The following ZFR variants were observed in gnomAD, a reference collection of about 807,000 sequenced individuals.
ZFR encodes zinc finger RNA-binding protein.
A neutral mutation model predicts 130.7 loss-of-function variants in ZFR; 19 were observed. The ratio of observed to expected loss-of-function variants is 0.15; its 90% confidence interval spans 0.10 to 0.21. The LOEUF (loss-of-function observed/expected upper bound fraction) is 0.21, where lower values mean the gene tolerates loss of function less well. ZFR is among the 10% of genes least tolerant of loss of function. ZFR has a pLI of 1.00. For missense variants in ZFR, 872 were observed against 1,321.5 expected (o/e 0.66, Z 5.27); for synonymous variants, 466 against 456.9 (o/e 1.02, Z -0.25).
intron 2 of ZFR, among the ~76,000 whole-genome samples, chr5:32,431,122 T>C (rs1484441441): frequency 1.3e-5 from 2 of 152,168 alleles, no homozygotes; most frequent in Non-Finnish European, 2.9e-5. Context: ...CCCACGCTAA[T>C]GGAAATTCTC....
At chr5:32,388,351 A>G in intron 13 of ZFR, 118 bp downstream of exon 13, 1 of 946,158 alleles carries the variant, frequency 1.1e-6, no homozygotes, top group Admixed American at 2.8e-5. Context: ...GAACACAGGC[A>G]TGGTTAAAAC....
Position 32,366,937 on chromosome 5 carries a change from GT to G in ZFR, c.2836-2663del, listed in dbSNP as rs1253397615. On this transcript the variant is annotated intron_variant, in intron 17 of 19. Transcript: ENST00000265069. ...CGCTATGTTGCCAGGATGGAGTGCAGTAGTTATTCGCAGGCACGATCATAGC... is the reference window on the plus strand; with the variant it reads ...CGCTATGTTGCCAGGATGGAGTGCAGAGTTATTCGCAGGCACGATCATAGC... Among the ~76,000 whole-genome samples, 4 of 149,922 alleles carry G rather than the reference GT, an allele frequency of 2.7e-5. No homozygotes were observed. The Admixed American group carries it at 2.7e-4, about 10-fold the overall frequency.
intron 16 of ZFR, chr5:32,379,588 T>G (rs1752893659): frequency 4.1e-6 from 1 of 246,348 alleles, no homozygotes; most frequent in African/African-American, 2.3e-5. Flanking sequence ...CTGTTTGGTT[T>G]CCCTTCTGTG....
At chr5:32,386,792 T>A (rs932880069) in intron 14 of ZFR, among the ~76,000 whole-genome samples, 1 of 152,176 alleles carries the variant, frequency 6.6e-6, no homozygotes, top group Non-Finnish European at 1.5e-5. Flanking sequence ...TACAGTAAGG[T>A]ACTGTTCTAA....
intron 19 of ZFR, among the ~76,000 whole-genome samples, chr5:32,359,630 G>T (rs917155090): frequency 6.6e-6 from 1 of 152,160 alleles, no homozygotes; most frequent in African/African-American, 2.4e-5. Context: ...GAAACATTGT[G>T]TATGACTGAA....
intron 2 of ZFR, among the ~76,000 whole-genome samples, chr5:32,443,948 TA>T (rs1754532419): frequency 6.6e-6 from 1 of 151,800 alleles, no homozygotes; most frequent in Non-Finnish European, 1.5e-5. Context: ...CCATTTTAGT[TA>T]AGGGGCCGCT....
chr5:32,358,318 T>C (rs772182082), intron 19 of ZFR, among the ~76,000 whole-genome samples: 21 of 152,226 alleles, frequency 1.4e-4, no homozygotes, highest in Admixed American at 7.8e-4. Context: ...AATTGTGCCA[T>C]TGCAATCCAG....
Position 32,415,523 on chromosome 5 carries a change from C to CGCACGT in ZFR, c.566-337_566-336insACGTGC, listed in dbSNP as rs1554073624. On this transcript the variant is annotated intron_variant, in intron 4 of 19. Transcript: ENST00000265069. ...GTGTGTGTGTGTGTGTGTGCGCGCG[C>CGCACGT]GCGCGCGCGCACTAGTCAGTCTACT... Among the ~76,000 whole-genome samples, 19 of 132,106 alleles carry CGCACGT rather than the reference C, an allele frequency of 1.4e-4. No individual in the cohort carries two copies. The South Asian group carries it at 3.0e-3, about 21-fold the overall frequency. The allele number at this position is 132,106 out of a possible 152,430, so 86.7% of individuals were successfully genotyped here. A position where few individuals can be genotyped will look rare whatever the true frequency, so the allele number is the denominator to read the frequency against.
At chr5:32,424,684 G>A (rs956205995) in intron 2 of ZFR, among the ~76,000 whole-genome samples, 3 of 152,114 alleles carry the variant, frequency 2.0e-5, no homozygotes, top group Non-Finnish European at 2.9e-5. Flanking sequence ...CTTGAGCCTA[G>A]GAAGATTTTC....
chr5:32,408,283 A>G (rs1753620573), intron 5 of ZFR, among the ~76,000 whole-genome samples: 1 of 150,246 alleles, frequency 6.7e-6, no homozygotes, highest in Non-Finnish European at 1.5e-5. Flanking sequence ...TGTGTCTGGC[A>G]TACTGCTTCC....
chr5:32,369,897 C>T (rs759769153), intron 17 of ZFR, among the ~76,000 whole-genome samples: 6 of 152,106 alleles, frequency 3.9e-5, no homozygotes, highest in Non-Finnish European at 7.3e-5. Flanking sequence ...CAAAACATCT[C>T]CATTACCGCA....
intron 5 of ZFR, among the ~76,000 whole-genome samples, chr5:32,409,708 G>A (rs901182715): frequency 2.0e-5 from 3 of 152,140 alleles, no homozygotes; most frequent in Admixed American, 6.5e-5. Flanking sequence ...ACCTGCATCC[G>A]AATATTTTCA....
chr5:32,404,976 G>A (rs767044318), intron 6 of ZFR, among the ~76,000 whole-genome samples: 4 of 152,070 alleles, frequency 2.6e-5, no homozygotes, highest in Non-Finnish European at 5.9e-5. Flanking sequence ...GCCACCATGC[G>A]TAGCTCATTT....
chr5:32,361,313 A>G (rs1241453473), intron 19 of ZFR, among the ~76,000 whole-genome samples: 1 of 152,246 alleles, frequency 6.6e-6, no homozygotes, highest in Non-Finnish European at 1.5e-5. Flanking sequence ...TCTCAAAGTC[A>G]TCTGTAGTCA....
rs748719610 is a variant in ZFR, at chr5:32,403,420, T to C, written c.1225-23A>G. 16 of 1,596,122 alleles carry C rather than the reference T, an allele frequency of 1.0e-5. No homozygotes were observed. In the South Asian group the frequency reaches 1.3e-4, roughly 13 times the overall value. ...CACCTATAAAACAAAAGCACACTTA[T>C]TTGTCAGGAAACTCAAATAGATTTT... On this transcript the variant is annotated intron_variant, in intron 7 of 19. Coordinates refer to ENST00000265069, the MANE Select transcript of ZFR (RefSeq NM_016107.5).
chr5:32,436,418 T>C (rs533991339), intron 2 of ZFR, among the ~76,000 whole-genome samples: 98 of 152,220 alleles, frequency 6.4e-4, no homozygotes, highest in African/African-American at 2.3e-3. Flanking sequence ...CCCAAAGTGC[T>C]GGTAATACAG....
intron 17 of ZFR, chr5:32,364,851 A>T (rs1292420129): frequency 6.6e-6 from 1 of 152,244 alleles, no homozygotes; most frequent in Non-Finnish European, 1.5e-5. Context: ...TTGAGATATA[A>T]TTCACATGTA....
At chr5:32,417,533 T>C in intron 4 of ZFR, 115 bp downstream of exon 4, 1 of 1,326,192 alleles carries the variant, frequency 7.5e-7, no homozygotes, top group Non-Finnish European at 1.0e-6. Flanking sequence ...AGAACCTGCC[T>C]CCTAAGATGA....
chr5:32,382,066 C>T (rs1017349265), intron 15 of ZFR, among the ~76,000 whole-genome samples: 10 of 152,156 alleles, frequency 6.6e-5, no homozygotes, highest in African/African-American at 2.4e-4. Flanking sequence ...CTTTGGGAGG[C>T]TGAGGCAGGT....
Sources: allele counts gnomAD v4.1 joint callset (sites outside exome capture counted in the v4.1 genomes callset), GRCh38; gene constraint gnomAD v4.1.1; transcripts MANE v1.5; gene names NCBI Gene and HGNC (gene_info 2026-07-23, HGNC 2026-07-21).